NOP56: variants seen among roughly 807,000 people sequenced by gnomAD.
The protein encoded by NOP56 is NOP56 ribonucleoprotein.
Under a neutral mutation model 58.3 loss-of-function variants are expected in NOP56, and 31 were observed. The observed-to-expected ratio is 0.53, with a 90% CI of 0.40 to 0.72. The LOEUF (loss-of-function observed/expected upper bound fraction) is 0.72. NOP56 is among the 30% of genes least tolerant of loss of function. The pLI is 0.00. For synonymous variants in NOP56, 313 were observed against 282.8 expected (o/e 1.11, Z -1.07); for missense variants, 669 against 739.9 (o/e 0.90, Z 1.11).
chr20:2,657,081 G>A lies in NOP56; in HGVS notation c.1282G>A (p.Ala428Thr). The A allele has an allele frequency of 6.2e-7, 1 of 1,614,120 alleles. No homozygotes were observed. Among genetic ancestry groups the A allele is most frequent in the Non-Finnish European group, 8.5e-7 (1 of 1,180,028 alleles). ...CCTTTTAGCACTTTTCTTTGACCAGGCAGAGGAAGCGGCTGCTGAGATTAC... is the reference window on the plus strand; with the variant it reads ...CCTTTTAGCACTTTTCTTTGACCAGACAGAGGAAGCGGCTGCTGAGATTAC... ...LDVMKEAMVQ[A>T]EEAAAEITRK... The change falls in exon 11 of 12, where the codon GCA becomes ACA. Residue 428 changes from alanine to threonine, a missense_variant and splice_region_variant. Physicochemically the swap from Ala to Thr is moderately conservative, Grantham distance 58. This residue lies in a region of NOP56 where 339 missense variants were observed against 430.5 expected (regional missense o/e 0.79). Transcript: ENST00000329276.
At chr20:2,656,923 T>G in intron 10 of NOP56, 28 bp downstream of exon 10, 1 of 1,613,866 alleles carries the variant, frequency 6.2e-7, no homozygotes, top group South Asian at 1.1e-5. Flanking sequence ...GGGTGTGGAG[T>G]GGCATAGCTA....
intron 11 of NOP56, 28 bp from the exon 12 acceptor site, chr20:2,657,901 C>G: frequency 6.5e-7 from 1 of 1,547,740 alleles, no homozygotes; most frequent in Non-Finnish European, 8.7e-7. Context: ...ACTGTTCTCA[C>G]AGCCTGTTCC....
chr20:2,656,607 G>T (rs370950084), intron 9 of NOP56, 58 bp downstream of exon 9: 1 of 1,609,240 alleles, frequency 6.2e-7, no homozygotes, highest in Non-Finnish European at 8.5e-7. Flanking sequence ...GGGTGGGGAG[G>T]CTTGCAACCA....
Position 2,658,279 on chromosome 20 carries a change from A to G in NOP56, c.1770A>G (p.Ala590=), listed in dbSNP as rs1600163571. ...AGAAGAAGAAAAAGTTCCATAAAGC[A>G]TCCCAGGAAGATTAGAATGCAAATG... ...SSKKKKKFHK[A]SQED Residue 590 remains alanine (A), a synonymous_variant, in exon 12 of 12, where the codon GCA becomes GCG. Transcript: ENST00000329276. 1 of 1,595,788 alleles carries G rather than the reference A, an allele frequency of 6.3e-7. No individual in the cohort carries two copies. The highest frequency in any genetic ancestry group is 8.5e-7 in the Non-Finnish European group (1 of 1,171,246).
chr20:2,657,003 C>T (rs2086831019), intron 10 of NOP56, 78 bp from the exon 11 acceptor site: 2 of 1,613,574 alleles, frequency 1.2e-6, no homozygotes, highest in Admixed American at 1.7e-5. Flanking sequence ...ATTTAATGAG[C>T]CTGATCCAAT....
chr20:2,654,121 G>A (rs146230357), intron 3 of NOP56: 8 of 610,228 alleles, frequency 1.3e-5, no homozygotes, highest in East Asian at 1.1e-4. Flanking sequence ...CAAATTCTAC[G>A]AAATACTCGA....
rs1163050360 is a variant in NOP56, at chr20:2,655,787, T to C, written c.909+41T>C. ...CTCAAAAATGGGAGAATAAGGACTG[T>C]TGCCATGTGCACCTGCACTGCTGTA... On this transcript the variant is annotated intron_variant, in intron 7 of 11. Coordinates refer to ENST00000329276, the MANE Select transcript of NOP56 (RefSeq NM_006392.4). 4.3e-6 allele frequency: 7 copies of C among 1,613,860 alleles called. No homozygotes were observed. The East Asian group carries it at 1.1e-4, about 26-fold the overall frequency.
Position 2,657,964 on chromosome 20 carries a change from A to T in NOP56, c.1455A>T (p.Gln485His). The change falls in exon 12 of 12, where the codon CAA (glutamine) becomes CAT (histidine). Residue 485 changes from glutamine to histidine, a missense_variant. This residue lies in a region of NOP56 where 209 missense variants were observed against 196.2 expected (regional missense o/e 1.07). Coordinates refer to ENST00000329276, the MANE Select transcript of NOP56 (RefSeq NM_006392.4). Reference protein sequence around the residue: ...MSEKPKKKKKQKPQEVPQENG... With the variant: ...MSEKPKKKKKHKPQEVPQENG... ...AAAAACCCAAAAAGAAGAAAAAGCAAAAGCCCCAGGAGGTTCCTCAGGAGA... is the reference window on the plus strand; with the variant it reads ...AAAAACCCAAAAAGAAGAAAAAGCATAAGCCCCAGGAGGTTCCTCAGGAGA... 1 of 1,588,774 alleles carries T rather than the reference A, an allele frequency of 6.3e-7. No individual in the cohort carries two copies. Among genetic ancestry groups the T allele is most frequent in the Non-Finnish European group, 8.6e-7 (1 of 1,167,488 alleles).
Position 2,655,964 on chromosome 20 carries a change from A to T in NOP56, c.940A>T (p.Ser314Cys). 2 of 1,614,178 alleles carry T rather than the reference A, an allele frequency of 1.2e-6. No individual in the cohort carries two copies. Among genetic ancestry groups the T allele is most frequent in the Non-Finnish European group, 1.7e-6 (2 of 1,180,036 alleles). The change falls in exon 8 of 12, where the codon AGC becomes TGC. Residue 314 changes from serine (S) to cysteine (C), a missense_variant. Transcript: ENST00000329276. ...VGARLIAHAG[S>C]LTNLAKYPAS... ...TGCACGTCTCATCGCACATGCTGGC[A>T]GCCTCACCAACCTGGCCAAGTATCC...
At position 2,654,446 on chromosome 20, in the gene NOP56, G is replaced by A; in HGVS notation, c.241G>A (p.Glu81Lys). The A allele has an allele frequency of 6.2e-7, 1 of 1,614,130 alleles. No individual in the cohort carries two copies. The highest frequency in any genetic ancestry group is 8.5e-7 in the Non-Finnish European group (1 of 1,180,022). ...VVHEDLRLLL[E>K]THLPSKKKKV... ...TCATGAGGACCTCCGCCTGCTCTTGGAGACCCACCTGCCGTCCAAAAAGAA... is the reference window on the plus strand; with the variant it reads ...TCATGAGGACCTCCGCCTGCTCTTGAAGACCCACCTGCCGTCCAAAAAGAA... The change falls in exon 4 of 12, where the codon GAG becomes AAG. Residue 81 changes from glutamate (E) to lysine (K), a missense_variant. Glu to Lys is a moderately conservative substitution (Grantham distance 56, BLOSUM62 1). This residue lies in a region of NOP56 where 121 missense variants were observed against 113.1 expected (regional missense o/e 1.07). Transcript: ENST00000329276.
Position 2,656,834 on chromosome 20 carries a change from T to C in NOP56, c.1220T>C (p.Phe407Ser), listed in dbSNP as rs2146298014. 6.2e-7 allele frequency: 1 copy of C among 1,614,030 alleles called. No homozygotes were observed. The highest frequency in any genetic ancestry group is 8.5e-7 in the Non-Finnish European group (1 of 1,179,964). Reference protein sequence around the residue: ...LREQVEERLSFYETGEIPRKN... With the variant: ...LREQVEERLSSYETGEIPRKN... The stretch of plus-strand genomic sequence containing the variant: ...GAACAAGTTGAAGAGCGACTGTCCT[T>C]CTATGAGACTGGAGAGATACCACGA... Residue 407 changes from phenylalanine (F) to serine (S), a missense_variant, in exon 10 of 12, where the codon TTC (phenylalanine) becomes TCC (serine). Physicochemically the swap from Phe to Ser is radical, Grantham distance 155 (BLOSUM62 -2). Transcript: ENST00000329276.
At chr20:2,653,132 G>A (rs1210524401) in intron 2 of NOP56, 147 bp from the exon 3 acceptor site, 3 of 810,988 alleles carry the variant, frequency 3.7e-6, no homozygotes, top group African/African-American at 1.7e-5. Context: ...CCCGGACGCC[G>A]CCCCCGAACG....
Position 2,652,683 on chromosome 20 carries a change from C to A in NOP56, c.3+20C>A. On this transcript the variant is annotated intron_variant, in intron 1 of 11. Coordinates refer to ENST00000329276, the MANE Select transcript of NOP56 (RefSeq NM_006392.4). ...GCCATGGTGAGGAGTGGTTGCGGGG[C>A]GCGGGCGACGCGACGGTGGGGGTTT... 1 of 670,364 alleles carries A rather than the reference C, an allele frequency of 1.5e-6. No homozygotes were observed. The highest frequency in any genetic ancestry group is 1.9e-6 in the Non-Finnish European group (1 of 512,920). 41.5% of individuals were successfully genotyped at this position (670,364 alleles called of 1,614,324 possible).
Position 2,652,634 on chromosome 20 carries a change from T to C in NOP56, c.-27T>C. 7.1e-7 allele frequency: 1 copy of C among 1,403,624 alleles called. No individual in the cohort carries two copies. Among genetic ancestry groups the C allele is most frequent in the Non-Finnish European group, 9.2e-7 (1 of 1,086,918 alleles). 86.9% of individuals were successfully genotyped at this position (1,403,624 alleles called of 1,614,324 possible). A position where few individuals can be genotyped will look rare whatever the true frequency, so the allele number is the denominator to read the frequency against. On this transcript the variant is annotated 5_prime_UTR_variant, in exon 1 of 12. Coordinates refer to ENST00000329276, the MANE Select transcript of NOP56 (RefSeq NM_006392.4). ...GCGCGCCGGAGCGCGCTAGCCGCAT[T>C]GCGAGCCGAACCCGGGAGCTGGCGC... is the stretch of plus-strand genomic sequence containing the variant.
intron 1 of NOP56, 69 bp downstream of exon 1, chr20:2,652,732 A>AGGGCCTGGGCCT (rs1555779353): frequency 1.9e-5 from 21 of 1,108,252 alleles, no homozygotes; most frequent in African/African-American, 6.7e-5. Flanking sequence ...GGCCGCAGAC[A>AGGGCCTGGGCCT]GGGCCTGGGC....
intron 5 of NOP56, 176 bp downstream of exon 5, chr20:2,655,123 GGTAGA>G (rs753143614): frequency 8.5e-6 from 9 of 1,062,998 alleles, no homozygotes; most frequent in Non-Finnish European, 1.3e-5. Context: ...AGAAAGAGGA[GGTAGA>G]GTAAACCTAC....
rs2086802810 is a variant in NOP56, at chr20:2,655,306, T to C, written c.570-19T>C. On this transcript the variant is annotated intron_variant, in intron 5 of 11. Coordinates refer to ENST00000329276, the MANE Select transcript of NOP56 (RefSeq NM_006392.4). Reference sequence around the variant, plus strand: ...TTGATGAAGCAGCTGGGCCAGGGAGTGACTGTGGCTCTTTGCAGGGAGTGG... The same window carrying C: ...TTGATGAAGCAGCTGGGCCAGGGAGCGACTGTGGCTCTTTGCAGGGAGTGG... The C allele has an allele frequency of 6.2e-7, 1 of 1,613,870 alleles. No individual in the cohort carries two copies. Among genetic ancestry groups the C allele is most frequent in the Non-Finnish European group, 8.5e-7 (1 of 1,179,964 alleles).
chr20:2,657,766 G>A, intron 11 of NOP56, 163 bp from the exon 12 acceptor site: 1 of 745,938 alleles, frequency 1.3e-6, no homozygotes, highest in Non-Finnish European at 2.1e-6. Context: ...TCTAATTTGG[G>A]ACAGCCTTTG....
intron 9 of NOP56, 38 bp downstream of exon 9, chr20:2,656,587 C>G: frequency 6.2e-7 from 1 of 1,602,244 alleles, no homozygotes. Context: ...TGAGAAGGGG[C>G]TGGGTGGCTG....
Sources: allele counts gnomAD v4.1 joint callset, GRCh38; gene constraint gnomAD v4.1.1; regional missense constraint gnomAD v4.1.1; transcripts MANE v1.5; gene names NCBI Gene and HGNC (gene_info 2026-07-23, HGNC 2026-07-21).